IP6K3: variants seen among roughly 807,000 people sequenced by gnomAD.
The protein encoded by IP6K3 is ATP:1D-myo-inositol-hexakisphosphate phosphotransferase.
In IP6K3, 20 loss-of-function variants were observed where a neutral mutation model predicts 28.8. That is an observed-to-expected ratio of 0.70 (90% CI 0.49 to 1.01). The LOEUF is 1.01. Ranked by LOEUF, IP6K3 falls within the 50% of genes least tolerant of loss-of-function variation. IP6K3 has a pLI of 0.00. For synonymous variants in IP6K3, 213 were observed against 221.3 expected, an observed-to-expected ratio of 0.96 and a Z score of 0.33; for missense variants, 480 against 537.1, an observed-to-expected ratio of 0.89 and a Z score of 1.05.
the IP6K3 span, among the ~76,000 whole-genome samples, chr6:33,759,395 C>T: frequency 4.6e-5 from 7 of 152,170 alleles, no homozygotes; most frequent in Non-Finnish European, 1.0e-4. Flanking sequence ...GCACGCACCA[C>T]TACACCTGGC....
rs1304996498 is a variant in IP6K3 at position 33,728,086 on chromosome 6, C to G, written c.413+1G>C. 5.6e-6 allele frequency: 9 copies of G among 1,602,610 alleles called. No individual in the cohort carries two copies. The highest frequency in any genetic ancestry group is 7.6e-6 in the Non-Finnish European group (9 of 1,179,704). On this transcript the variant is annotated splice_donor_variant, in intron 3 of 5. Transcript: ENST00000293756. LOFTEE classifies it high-confidence loss of function. ...TCTGTCATCCTGCCCAGTGCCCTCA[C>G]CTCTCCTTGGGTGAGCGTGCCAGCT...
At chr6:33,726,226 C>T (rs1308189713) in intron 4 of IP6K3, among the ~76,000 whole-genome samples, 1 of 152,166 alleles carries the variant, frequency 6.6e-6, no homozygotes, top group Non-Finnish European at 1.5e-5. Flanking sequence ...TTACCTCCTC[C>T]CATAGTCTAC....
intron 2 of IP6K3, among the ~76,000 whole-genome samples, chr6:33,731,754 G>C (rs1204670562): frequency 6.6e-6 from 1 of 152,124 alleles, no homozygotes; most frequent in Non-Finnish European, 1.5e-5. Flanking sequence ...CTCGGTGCTT[G>C]ACCTGTTCAA....
chr6:33,749,071 C>T (rs1250358260), upstream of IP6K3, among the ~76,000 whole-genome samples: 1 of 152,108 alleles, frequency 6.6e-6, no homozygotes, highest in Non-Finnish European at 1.5e-5. Flanking sequence ...TCAGGCTGGA[C>T]TCACATCCCT....
At chr6:33,747,082 G>GA (rs16871391), upstream of IP6K3, among the ~76,000 whole-genome samples, 16,425 of 152,132 alleles carry the variant, frequency 0.11, 1,156 homozygotes, top group African/African-American at 0.19. This position sits in a 1 kb window ranked among gnomAD's most constrained non-coding sequence, Gnocchi z 5.2. Context: ...AGGGGAGGAG[G>GA]AAAGGAGGAC....
At position 33,722,999 on chromosome 6, in the gene IP6K3, T is replaced by A; in HGVS notation, c.954A>T (p.Ser318=). The change falls in exon 6 of 6, where the codon TCA becomes TCT. Residue 318 remains serine, a synonymous_variant. Transcript: ENST00000293756. ...ALLSVIRSQS[S]YRFYSSSLLV... The stretch of plus-strand genomic sequence containing the variant: ...GGAGAGAGCTGGAATAGAAGCGGTA[T>A]GAACTCTGGCTCCTAATGACAGAGA... 6.2e-7 allele frequency: 1 copy of A among 1,614,020 alleles called. No homozygotes were observed. The highest frequency in any genetic ancestry group is 8.5e-7 in the Non-Finnish European group (1 of 1,180,014).
chr6:33,755,489 G>C, the IP6K3 span, among the ~76,000 whole-genome samples: 1 of 152,264 alleles, frequency 6.6e-6, no homozygotes, highest in Non-Finnish European at 1.5e-5. Context: ...AATTGGAGGT[G>C]ACCACAGGCA....
rs1248502658 is a variant in IP6K3, at chr6:33,735,665, A to C, written c.-179-10T>G. The C allele has an allele frequency of 6.5e-6, 9 of 1,386,868 alleles. No individual in the cohort carries two copies. The South Asian group carries it at 1.4e-4, about 21-fold the overall frequency. The allele number at this position is 1,386,868 out of a possible 1,614,324, so 85.9% of individuals were successfully genotyped here. On this transcript the variant is annotated splice_polypyrimidine_tract_variant and intron_variant, in intron 1 of 5. Coordinates refer to ENST00000293756, the MANE Select transcript of IP6K3 (RefSeq NM_054111.5). ...TTCTCAGCGGGGTCCTCTGGAAAGC[A>C]GGGGAGGAAGGAGGAAGTTATATGA...
Position 33,722,264 on chromosome 6 carries a change from G to A in IP6K3, c.*456C>T, listed in dbSNP as rs1765928429. The A allele has an allele frequency of 6.3e-6, 1 of 158,314 alleles. No homozygotes were observed. Among genetic ancestry groups the A allele is most frequent in the Non-Finnish European group, 1.4e-5 (1 of 71,304 alleles). 9.8% of individuals were successfully genotyped at this position (158,314 alleles called of 1,614,324 possible). ...TAAGAGGCATTCATGAGCTCTGCCT[G>A]CCCTTGGAGCGAGCAGTCCATACAA... is the stretch of plus-strand genomic sequence containing the variant. On this transcript the variant is annotated 3_prime_UTR_variant, in exon 6 of 6. Coordinates refer to ENST00000293756, the MANE Select transcript of IP6K3 (RefSeq NM_054111.5).
intron 1 of IP6K3, among the ~76,000 whole-genome samples, chr6:33,745,283 C>T (rs757299607): frequency 6.6e-6 from 1 of 152,292 alleles, no homozygotes; most frequent in South Asian, 2.1e-4. Context: ...GGAGATGCCG[C>T]TGGCCAGGGG....
Position 33,726,796 on chromosome 6 carries a change from C to G in IP6K3, c.524G>C (p.Gly175Ala). 6.2e-7 allele frequency: 1 copy of G among 1,612,796 alleles called. No individual in the cohort carries two copies. Among genetic ancestry groups the G allele is most frequent in the Non-Finnish European group, 8.5e-7 (1 of 1,179,220 alleles). ...QVERKSFNPW[G>A]LQCHQAHLTR... ...CAGGTGGGCCTGGTGGCATTGCAGGCCCCACGGGTTGAAGCTCTTCCTCTC... is the reference window on the plus strand; with the variant it reads ...CAGGTGGGCCTGGTGGCATTGCAGGGCCCACGGGTTGAAGCTCTTCCTCTC... The change falls in exon 4 of 6, where the codon GGC becomes GCC. Residue 175 changes from glycine to alanine, a missense_variant. Gly to Ala is a moderately conservative substitution (Grantham distance 60, BLOSUM62 0). Coordinates refer to ENST00000293756, the MANE Select transcript of IP6K3 (RefSeq NM_054111.5).
upstream of IP6K3, among the ~76,000 whole-genome samples, chr6:33,750,768 C>T (rs551245060): frequency 2.2e-3 from 332 of 152,296 alleles, 2 homozygotes; most frequent in Middle Eastern, 0.017. The surrounding 1 kb of genome is among the most constrained non-coding windows in gnomAD (Gnocchi z 4.3). Context: ...GGTTTCCTTT[C>T]CTCTCCCTGA....
upstream of IP6K3, among the ~76,000 whole-genome samples, chr6:33,747,564 CT>C: frequency 6.6e-6 from 1 of 152,096 alleles, no homozygotes; most frequent in Non-Finnish European, 1.5e-5. This position sits in a 1 kb window ranked among gnomAD's most constrained non-coding sequence, Gnocchi z 5.2. Flanking sequence ...CGGCTGAGAG[CT>C]GAAGGAGAAA....
intron 1 of IP6K3, among the ~76,000 whole-genome samples, chr6:33,736,141 A>G (rs1220600774): frequency 3.9e-5 from 6 of 152,318 alleles, no homozygotes; most frequent in Admixed American, 1.3e-4. Flanking sequence ...CTAGGATTAT[A>G]GGCGTGAGCC....
In IP6K3 at chr6:33,744,019, G is replaced by C. The variant is rs541763208; in HGVS notation, c.-180+2739C>G. On this transcript the variant is annotated intron_variant, in intron 1 of 5. Coordinates refer to ENST00000293756, the MANE Select transcript of IP6K3 (RefSeq NM_054111.5). This position sits in a 1 kb window ranked among gnomAD's most constrained non-coding sequence, Gnocchi z 4.4. ...AATGTTCTGATCTTGCTGTCAAGGT[G>C]GGAGAAACATGGGGGCAAGATGACT... 6.6e-6 allele frequency among the ~76,000 whole-genome samples: 1 copy of C among 152,194 alleles called. No homozygotes were observed. The highest frequency in any genetic ancestry group is 1.5e-5 in the Non-Finnish European group (1 of 68,004).
intron 1 of IP6K3, among the ~76,000 whole-genome samples, chr6:33,739,822 T>C (rs482786): frequency 0.3 from 45,388 of 152,154 alleles, 7,698 homozygotes; most frequent in African/African-American, 0.45. Flanking sequence ...CAGGGTCTAC[T>C]CCAGGCGCTC....
At chr6:33,724,174 G>A (rs954202943) in intron 5 of IP6K3, among the ~76,000 whole-genome samples, 1 of 152,218 alleles carries the variant, frequency 6.6e-6, no homozygotes. Context: ...CTGCAGATTG[G>A]CTGCTAAATC....
At chr6:33,747,739 G>A (rs911178088), upstream of IP6K3, among the ~76,000 whole-genome samples, 1 of 152,070 alleles carries the variant, frequency 6.6e-6, no homozygotes, top group Non-Finnish European at 1.5e-5. The surrounding 1 kb of genome is among the most constrained non-coding windows in gnomAD (Gnocchi z 5.2). Context: ...GGGCAGGGAC[G>A]AGGTGGCCTC....
chr6:33,751,446 C>G (rs1053858647), upstream of IP6K3, among the ~76,000 whole-genome samples: 5 of 151,650 alleles, frequency 3.3e-5, no homozygotes, highest in Non-Finnish European at 2.9e-5. This position sits in a 1 kb window ranked among gnomAD's most constrained non-coding sequence, Gnocchi z 4.3. Flanking sequence ...AAGGGTGTTA[C>G]CACTTAGGTC....
Sources: gnomAD v4.1 joint callset for allele counts (sites outside exome capture counted in the v4.1 genomes callset) on GRCh38, gnomAD v4.1.1 for gene constraint, Gnocchi (gnomAD v3.1) non-coding constraint, MANE v1.5 for transcripts, NCBI Gene and HGNC (gene_info 2026-07-23, HGNC 2026-07-21) for gene names.